The following CACNA1C variants were observed in gnomAD, a reference collection of about 807,000 sequenced individuals.
The protein encoded by CACNA1C is voltage-dependent L-type calcium channel subunit alpha-1C.
CACNA1C carries 30 observed loss-of-function variants against 229.0 expected under a neutral mutation model. The ratio of observed to expected loss-of-function variants is 0.13; its 90% CI spans 0.10 to 0.18. The LOEUF (loss-of-function observed/expected upper bound fraction) is 0.18. Ranked by LOEUF, CACNA1C falls within the 10% of genes least tolerant of loss-of-function variation. CACNA1C has a pLI of 1.00. For synonymous variants in CACNA1C, 1,114 were observed against 1,132.5 expected, an observed-to-expected ratio of 0.98 and a Z score of 0.33; for missense variants, 1,658 against 2,845.0, an observed-to-expected ratio of 0.58 and a Z score of 9.49.
intron 1 of CACNA1C, among the ~76,000 whole-genome samples, chr12:2,073,273 G>T (rs903321421): frequency 6.6e-6 from 1 of 152,222 alleles, no homozygotes; most frequent in African/African-American, 2.4e-5. Context: ...TATTTTGTGA[G>T]GTTGAGTGGC....
intron 6 of CACNA1C, among the ~76,000 whole-genome samples, chr12:2,487,836 G>T (rs1420950135): frequency 6.6e-6 from 1 of 152,028 alleles, no homozygotes; most frequent in Non-Finnish European, 1.5e-5. Flanking sequence ...TTTTATTCAG[G>T]TTGATTTATA....
At position 2,666,168 on chromosome 12, in the gene CACNA1C, G is replaced by A. The variant is rs1039196812; in HGVS notation, c.4526+460G>A. ...CACACCACTGCACTCCAGCCTGGGC[G>A]ACAGAGCAAGACTCCATCTAAAAAA... On this transcript the variant is annotated intron_variant, in intron 36 of 46. Coordinates refer to ENST00000399655, the MANE Select transcript of CACNA1C (RefSeq NM_000719.7). This position sits in a 1 kb window ranked among gnomAD's most constrained non-coding sequence, Gnocchi z 5.3. 2.0e-5 allele frequency among the ~76,000 whole-genome samples: 3 copies of A among 149,984 alleles called. No individual in the cohort carries two copies. Among genetic ancestry groups the A allele is most frequent in the Non-Finnish European group, 4.5e-5 (3 of 67,328 alleles).
chr12:2,578,101 C>G (rs982915721), intron 13 of CACNA1C, among the ~76,000 whole-genome samples: 3 of 152,004 alleles, frequency 2.0e-5, no homozygotes, highest in African/African-American at 4.8e-5. Flanking sequence ...ATCTCCTGAC[C>G]TCGTGATCCG....
chr12:2,464,559 G>A (rs1402978493), intron 5 of CACNA1C, among the ~76,000 whole-genome samples: 1 of 152,198 alleles, frequency 6.6e-6, no homozygotes, highest in African/African-American at 2.4e-5. Context: ...CATCGTCCCA[G>A]ACTTCCCTTT....
rs557966991 is a variant in CACNA1C at position 2,615,821 on chromosome 12, TG to T, written c.3828+3815del. On this transcript the variant is annotated intron_variant, in intron 29 of 46. Transcript: ENST00000399655. ...GTCGAGGATGTCTCAGCAAGGGTAC[TG>T]GGGGGGAGGAGCTGCAGGAGGCGAT... 1.4e-3 allele frequency among the ~76,000 whole-genome samples: 220 copies of T among 152,214 alleles called. 1 individual carries two copies. Among genetic ancestry groups the T allele is most frequent in the Middle Eastern group, 3.4e-3 (1 of 294 alleles).
chr12:2,545,001 A>C (rs1413284830), intron 9 of CACNA1C, among the ~76,000 whole-genome samples: 1 of 152,216 alleles, frequency 6.6e-6, no homozygotes, highest in Non-Finnish European at 1.5e-5. Flanking sequence ...GTAGTGAATC[A>C]TACTAACAGA....
intron 3 of CACNA1C, among the ~76,000 whole-genome samples, chr12:2,239,294 A>G (rs2154371696): frequency 6.6e-6 from 1 of 152,130 alleles, no homozygotes; most frequent in East Asian, 1.9e-4. Context: ...GTACCGTGTC[A>G]GTCACCTGAA....
chr12:2,098,227 G>A (rs970236629), intron 1 of CACNA1C, among the ~76,000 whole-genome samples: 4 of 152,144 alleles, frequency 2.6e-5, no homozygotes, highest in African/African-American at 4.8e-5. Flanking sequence ...ATATTTTTTC[G>A]TTGCCTTCTA....
At chr12:2,583,149 G>T (rs1188945445) in intron 15 of CACNA1C, among the ~76,000 whole-genome samples, 1 of 152,204 alleles carries the variant, frequency 6.6e-6, no homozygotes, top group Non-Finnish European at 1.5e-5. Context: ...CTCCGGGCCC[G>T]CAGCGGCGCC....
rs1053956229 is a variant in CACNA1C at position 2,479,444 on chromosome 12, C to A, written c.758-6660C>A. Among the ~76,000 whole-genome samples, 2 of 152,140 alleles carry A rather than the reference C, an allele frequency of 1.3e-5. No individual in the cohort carries two copies. The highest frequency in any genetic ancestry group is 4.1e-4 in the South Asian group (2 of 4,826). On this transcript the variant is annotated intron_variant, in intron 5 of 46. Transcript: ENST00000399655. This position sits in a 1 kb window ranked among gnomAD's most constrained non-coding sequence, Gnocchi z 4.3. ...TGACATCCAATTCTAAGAGGAAGGA[C>A]TTGTAGCGAAGCTTAGAATTTGCCC...
rs1458297961 is a variant in CACNA1C, at chr12:2,678,098, AG to A, written c.5091+232del. On this transcript the variant is annotated intron_variant, in intron 41 of 46. Transcript: ENST00000399655. This position sits in a 1 kb window ranked among gnomAD's most constrained non-coding sequence, Gnocchi z 4.1. Reference sequence around the variant, plus strand: ...GCAGCTCTCAGTGTCACTGGCTCTCAGAGAAGCGGGAAGGAACCGCCTTCCT... The same window carrying A: ...GCAGCTCTCAGTGTCACTGGCTCTCAAGAAGCGGGAAGGAACCGCCTTCCT... 6.6e-6 allele frequency among the ~76,000 whole-genome samples: 1 copy of A among 152,196 alleles called. No homozygotes were observed. The highest frequency in any genetic ancestry group is 1.5e-5 in the Non-Finnish European group (1 of 68,020).
Position 2,606,999 on chromosome 12 carries a change from G to T in CACNA1C, c.3225G>T (p.Thr1075=), listed in dbSNP as rs1229921966. The change falls in exon 26 of 47, where the codon ACG becomes ACT. Residue 1075 remains threonine, a synonymous_variant. Coordinates refer to ENST00000399655, the MANE Select transcript of CACNA1C (RefSeq NM_000719.7). ...TEAECKGNYI[T]YKDGEVDHPI... Reference sequence around the variant, plus strand: ...CCTCTCTCAGGGGCAACTACATCACGTACAAAGACGGGGAGGTTGACCACC... The same window carrying T: ...CCTCTCTCAGGGGCAACTACATCACTTACAAAGACGGGGAGGTTGACCACC... 3 of 1,613,970 alleles carry T rather than the reference G, an allele frequency of 1.9e-6. No homozygotes were observed. Among genetic ancestry groups the T allele is most frequent in the South Asian group, 2.2e-5 (2 of 91,070 alleles).
At position 2,585,086 on chromosome 12, in the gene CACNA1C, C is replaced by T. The variant is rs1320176540; in HGVS notation, c.2340-290C>T. ...CTGCCGGGCACTGAGCAGAGCTCCT[C>T]CAGGAGCCAATCCTAGATGAGATCC... On this transcript the variant is annotated intron_variant, in intron 16 of 46. Transcript: ENST00000399655. This position sits in a 1 kb window ranked among gnomAD's most constrained non-coding sequence, Gnocchi z 4.1. Among the ~76,000 whole-genome samples, 1 of 152,200 alleles carries T rather than the reference C, an allele frequency of 6.6e-6. No homozygotes were observed. The highest frequency in any genetic ancestry group is 1.5e-5 in the Non-Finnish European group (1 of 68,030).
At chr12:2,225,709 G>A (rs2062769485) in intron 3 of CACNA1C, among the ~76,000 whole-genome samples, 1 of 152,188 alleles carries the variant, frequency 6.6e-6, no homozygotes, top group African/African-American at 2.4e-5. Context: ...CTGTTAAGGG[G>A]AAAGGTCTAT....
At chr12:2,065,069 T>TG (rs1334294420) in intron 1 of CACNA1C, among the ~76,000 whole-genome samples, 2 of 152,344 alleles carry the variant, frequency 1.3e-5, no homozygotes, top group Non-Finnish European at 2.9e-5. Context: ...TCACTGGCCC[T>TG]GCTCACAGGT....
intron 1 of CACNA1C, among the ~76,000 whole-genome samples, chr12:2,083,788 G>C (rs2066554730): frequency 6.6e-6 from 1 of 152,140 alleles, no homozygotes; most frequent in African/African-American, 2.4e-5. Context: ...TGAATGATGA[G>C]GGGGAGAAGC....
At chr12:2,047,040 C>G (rs1044309073) in intron 1 of CACNA1C, among the ~76,000 whole-genome samples, 5 of 152,188 alleles carry the variant, frequency 3.3e-5, no homozygotes. Context: ...CCAAAGCCTT[C>G]TTCTCTCCTC....
rs555495204 is a variant in CACNA1C, at chr12:2,265,613, A to C, written c.477+145183A>C. On this transcript the variant is annotated intron_variant, in intron 3 of 46. Transcript: ENST00000399655. ...CCCCCAGGGGACCATCTTCCCTGCA[A>C]ATGCAGGGTGACGCTGTGCAGTGGT... Among the ~76,000 whole-genome samples, 38 of 152,352 alleles carry C rather than the reference A, an allele frequency of 2.5e-4. No individual in the cohort carries two copies. The East Asian group carries it at 6.7e-3, about 27-fold the overall frequency.
intron 3 of CACNA1C, among the ~76,000 whole-genome samples, chr12:2,125,702 G>A (rs1488088582): frequency 1.3e-5 from 2 of 152,058 alleles, no homozygotes; most frequent in African/African-American, 2.4e-5. Context: ...AAGCTCCCCT[G>A]GGGTTCTGAT....
Sources: gnomAD v4.1 joint callset for allele counts (sites outside exome capture counted in the v4.1 genomes callset) on GRCh38, gnomAD v4.1.1 for gene constraint, Gnocchi (gnomAD v3.1) non-coding constraint, MANE v1.5 for transcripts, NCBI Gene and HGNC (gene_info 2026-07-23, HGNC 2026-07-21) for gene names.